The following CCDC171 variants were observed in gnomAD, a reference collection of about 807,000 sequenced individuals.
CCDC171 encodes coiled-coil domain containing 171.
In CCDC171, 177 loss-of-function variants were observed where a neutral mutation model predicts 168.2. That is an observed-to-expected ratio of 1.05 (90% CI 0.93 to 1.19). The LOEUF is 1.19. Ranked by LOEUF, CCDC171 falls within the 50% of genes most tolerant of loss-of-function variation. The pLI is 0.00. For missense variants in CCDC171, 1,991 were observed against 1,539.0 expected (o/e 1.29, Z -4.91); for synonymous variants, 687 against 540.8 (o/e 1.27, Z -3.75).
chr9:15,670,732 C>T (rs1446997081), intron 9 of CCDC171, among the ~76,000 whole-genome samples: 2 of 152,146 alleles, frequency 1.3e-5, no homozygotes, highest in Middle Eastern at 3.4e-3. Flanking sequence ...TTTTTTATAG[C>T]ACATTTTATT....
chr9:15,806,803 A>G (rs1180330858), intron 21 of CCDC171, among the ~76,000 whole-genome samples: 3 of 152,128 alleles, frequency 2.0e-5, no homozygotes, highest in East Asian at 3.9e-4. Context: ...CATTGACAAT[A>G]TCTTGAAATA....
intron 1 of CCDC171, among the ~76,000 whole-genome samples, chr9:15,555,665 G>C (rs1388020161): frequency 1.3e-5 from 2 of 152,126 alleles, no homozygotes; most frequent in African/African-American, 4.8e-5. Flanking sequence ...CTTTAGTCAA[G>C]TGACTGAGTA....
intron 1 of CCDC171, among the ~76,000 whole-genome samples, chr9:16,043,396 T>TGAAAA (rs1229619954): frequency 2.0e-5 from 3 of 152,192 alleles, no homozygotes; most frequent in Non-Finnish European, 4.4e-5. Context: ...TTTGGGGTGT[T>TGAAAA]GAAAAGTTAT....
chr9:15,596,604 C>T (rs2042382243), intron 6 of CCDC171, among the ~76,000 whole-genome samples: 1 of 151,758 alleles, frequency 6.6e-6, no homozygotes. Context: ...GTTCTTTTGG[C>T]TTAGGATTGA....
At chr9:15,774,246 TAAAAAAAAAAA>T (rs56239417) in intron 18 of CCDC171, among the ~76,000 whole-genome samples, 12 of 38,020 alleles carry the variant, frequency 3.2e-4, no homozygotes, top group East Asian at 2.4e-3. Flanking sequence ...ACGCTGTCTT[TAAAAAAAAAAA>T]AAAAAAAAAA....
the CCDC171 span, among the ~76,000 whole-genome samples, chr9:16,070,050 C>T: frequency 2.6e-5 from 4 of 152,214 alleles, no homozygotes; most frequent in South Asian, 2.1e-4. Flanking sequence ...GGTGTGTGCT[C>T]TCATGAAAAG....
chr9:15,654,617 A>C (rs1470246350), intron 7 of CCDC171, among the ~76,000 whole-genome samples: 1 of 152,210 alleles, frequency 6.6e-6, no homozygotes, highest in African/African-American at 2.4e-5. Context: ...GTGGGAGAGA[A>C]GGAAAGTCAG....
chr9:15,861,335 A>G (rs2061550459), intron 23 of CCDC171, among the ~76,000 whole-genome samples: 1 of 151,430 alleles, frequency 6.6e-6, no homozygotes, highest in Non-Finnish European at 1.5e-5. Flanking sequence ...GAAATTATTT[A>G]TTATTGCCAT....
At chr9:15,969,376 A>C (rs1831126374) in intron 25 of CCDC171, among the ~76,000 whole-genome samples, 4 of 152,166 alleles carry the variant, frequency 2.6e-5, no homozygotes, top group Admixed American at 2.6e-4. Context: ...AGGTTGATGG[A>C]TTTGCAAGAA....
intron 11 of CCDC171, among the ~76,000 whole-genome samples, chr9:15,696,453 TTTG>T (rs753169770): frequency 3.3e-5 from 5 of 152,236 alleles, no homozygotes; most frequent in Admixed American, 6.5e-5. Flanking sequence ...ATAATCATAA[TTTG>T]TTATCATGGA....
At chr9:15,806,436 T>C (rs1391662937) in intron 21 of CCDC171, among the ~76,000 whole-genome samples, 1 of 152,160 alleles carries the variant, frequency 6.6e-6, no homozygotes, top group Non-Finnish European at 1.5e-5. Flanking sequence ...CTGGTGGTAA[T>C]GAATTCCCTT....
intron 9 of CCDC171, among the ~76,000 whole-genome samples, chr9:15,669,952 T>TAA (rs34465887): frequency 5.3e-5 from 6 of 112,288 alleles, no homozygotes; most frequent in African/African-American, 1.3e-4. Context: ...GCTGAAGTCT[T>TAA]AAAAAAAAAA....
At chr9:15,810,346 C>G (rs184241327) in intron 21 of CCDC171, among the ~76,000 whole-genome samples, 1 of 152,212 alleles carries the variant, frequency 6.6e-6, no homozygotes, top group Non-Finnish European at 1.5e-5. Flanking sequence ...CTAGTGGATC[C>G]CATGCCAGGG....
chr9:15,741,292 T>G (rs953687654), intron 16 of CCDC171, among the ~76,000 whole-genome samples: 1 of 152,194 alleles, frequency 6.6e-6, no homozygotes. Flanking sequence ...CACTCCTTAT[T>G]CCTTCTTCTC....
intron 24 of CCDC171, among the ~76,000 whole-genome samples, chr9:15,897,294 A>G (rs1374409665): frequency 6.6e-6 from 1 of 151,382 alleles, no homozygotes; most frequent in Non-Finnish European, 1.5e-5. Flanking sequence ...CTTTTTTCCA[A>G]GTCATCTATT....
rs544631128 is a variant in CCDC171 at position 15,880,839 on chromosome 9, G to A, written c.3600+6176G>A. On this transcript the variant is annotated intron_variant, in intron 24 of 25. Transcript: ENST00000380701. ...AATTTTTTAATTGGGTTGTGGAATC[G>A]AAAATAATGTTGGAATGTCACCTTC... Among the ~76,000 whole-genome samples, 4 of 152,122 alleles carry A rather than the reference G, an allele frequency of 2.6e-5. No homozygotes were observed. The East Asian group carries it at 7.7e-4, about 29-fold the overall frequency.
intron 6 of CCDC171, among the ~76,000 whole-genome samples, chr9:15,598,017 C>G (rs966529430): frequency 1.3e-5 from 2 of 151,854 alleles, no homozygotes; most frequent in South Asian, 2.1e-4. Context: ...TTTATTGTGT[C>G]TATTTGATTC....
intron 9 of CCDC171, among the ~76,000 whole-genome samples, chr9:15,674,424 G>T (rs1466198695): frequency 6.6e-6 from 1 of 151,990 alleles, no homozygotes; most frequent in Admixed American, 6.6e-5. Flanking sequence ...GATTGCTCTT[G>T]CTTCTGTAAT....
At chr9:15,954,688 A>G (rs900502679) in intron 25 of CCDC171, among the ~76,000 whole-genome samples, 4 of 148,724 alleles carry the variant, frequency 2.7e-5, no homozygotes, top group Middle Eastern at 3.2e-3. Flanking sequence ...TTGCCTGCTC[A>G]TATTTGCTTT....
Sources: gnomAD v4.1 joint callset for allele counts (sites outside exome capture counted in the v4.1 genomes callset) on GRCh38, gnomAD v4.1.1 for gene constraint, MANE v1.5 for transcripts, NCBI Gene and HGNC (gene_info 2026-07-23, HGNC 2026-07-21) for gene names.